The following WWOX variants were observed in gnomAD, a reference collection of about 807,000 sequenced individuals.
WWOX encodes the protein WW domain containing oxidoreductase.
In WWOX, 69 loss-of-function variants were observed where a neutral mutation model predicts 46.2. The observed-to-expected ratio is 1.49, with a 90% confidence interval of 1.23 to 1.82. The LOEUF is 1.82. Among genes scored for constraint, WWOX ranks in the 40% most tolerant of loss-of-function variants. The pLI is 0.00. For synonymous variants in WWOX, 359 were observed against 202.6 expected, an observed-to-expected ratio of 1.77 and a Z score of -6.56; for missense variants, 919 against 542.6, an observed-to-expected ratio of 1.69 and a Z score of -6.89.
chr16:78,766,938 T>C lies in WWOX; in HGVS notation c.1056+334186T>C, dbSNP rs531063414. ...CTTTTAAAAAATAACTGCCCCTTCC[T>C]CACTTCCCCAAGCTTGTGGTCTCTG... is the stretch of plus-strand genomic sequence containing the variant. On this transcript the variant is annotated intron_variant, in intron 8 of 8. Coordinates refer to ENST00000566780, the MANE Select transcript of WWOX (RefSeq NM_016373.4). Among the ~76,000 whole-genome samples, 9 of 152,330 alleles carry C rather than the reference T, an allele frequency of 5.9e-5. No homozygotes were observed. In the South Asian group the frequency reaches 1.9e-3, roughly 32 times the overall value.
chr16:78,541,839 G>T (rs1382336860), intron 8 of WWOX, among the ~76,000 whole-genome samples: 2 of 151,916 alleles, frequency 1.3e-5, no homozygotes, highest in Admixed American at 6.6e-5. Flanking sequence ...ACTGTTTCTG[G>T]TTTTCTGATT....
chr16:78,280,016 A>C (rs537226467), intron 5 of WWOX, among the ~76,000 whole-genome samples: 3 of 152,380 alleles, frequency 2.0e-5, no homozygotes, highest in South Asian at 4.1e-4. Flanking sequence ...TGCAAAAGTC[A>C]TCAAAATCAC....
intron 8 of WWOX, among the ~76,000 whole-genome samples, chr16:78,877,923 G>A (rs2044266549): frequency 6.6e-6 from 1 of 152,180 alleles, no homozygotes; most frequent in Non-Finnish European, 1.5e-5. Context: ...TCCTGGATGA[G>A]AGGGGATTGG....
intron 8 of WWOX, among the ~76,000 whole-genome samples, chr16:78,843,404 A>G (rs4888864): frequency 0.32 from 47,781 of 149,434 alleles, 10,930 homozygotes; most frequent in Middle Eastern, 0.45. Flanking sequence ...AACAAAGCCA[A>G]TCGCCCATTC....
At chr16:78,218,192 C>T (rs757114679) in intron 5 of WWOX, among the ~76,000 whole-genome samples, 1 of 152,092 alleles carries the variant, frequency 6.6e-6, no homozygotes, top group Non-Finnish European at 1.5e-5. Context: ...GTAGCTTGTA[C>T]TGCAGATGTG....
At position 78,811,604 on chromosome 16, in the gene WWOX, C is replaced by T. The variant is rs573304199; in HGVS notation, c.1056+378852C>T. Among the ~76,000 whole-genome samples, 6 of 152,178 alleles carry T rather than the reference C, an allele frequency of 3.9e-5. No individual in the cohort carries two copies. In the South Asian group the frequency reaches 1.2e-3, roughly 32 times the overall value. On this transcript the variant is annotated intron_variant, in intron 8 of 8. Coordinates refer to ENST00000566780, the MANE Select transcript of WWOX (RefSeq NM_016373.4). ...CAGGCTGGTCTCAAGCTCCTGACCT[C>T]AGGTGATCCACCTGCCTCAGTCTCC...
chr16:78,343,570 A>G (rs2081050348), intron 5 of WWOX, among the ~76,000 whole-genome samples: 1 of 121,084 alleles, frequency 8.3e-6, no homozygotes, highest in Admixed American at 8.1e-5. Flanking sequence ...TGGCAAATCT[A>G]GTGCAGGTGC....
At chr16:79,196,693 C>G (rs977779985) in intron 8 of WWOX, among the ~76,000 whole-genome samples, 1 of 152,090 alleles carries the variant, frequency 6.6e-6, no homozygotes, top group Non-Finnish European at 1.5e-5. Context: ...CCCAGGGATT[C>G]AGATCCTGTC....
intron 5 of WWOX, among the ~76,000 whole-genome samples, chr16:78,164,563 A>G (rs757954006): frequency 1.1e-4 from 17 of 152,214 alleles, no homozygotes; most frequent in Non-Finnish European, 2.1e-4. Flanking sequence ...TAAGAAAAAT[A>G]AAACGTGGTG....
chr16:78,744,870 G>C (rs141740735), intron 8 of WWOX, among the ~76,000 whole-genome samples: 1 of 152,186 alleles, frequency 6.6e-6, no homozygotes, highest in African/African-American at 2.4e-5. Flanking sequence ...GGTAAGCAAA[G>C]AAGAGCAACA....
intron 8 of WWOX, among the ~76,000 whole-genome samples, chr16:79,140,090 A>G (rs1022976423): frequency 6.6e-6 from 1 of 152,136 alleles, no homozygotes; most frequent in African/African-American, 2.4e-5. Context: ...CATGGTCTCA[A>G]TGCTGTTGAG....
At chr16:78,844,935 G>C (rs990101376) in intron 8 of WWOX, among the ~76,000 whole-genome samples, 1 of 152,274 alleles carries the variant, frequency 6.6e-6, no homozygotes, top group East Asian at 1.9e-4. Context: ...GGCCCTGAGA[G>C]AACAACAAAG....
intron 8 of WWOX, among the ~76,000 whole-genome samples, chr16:79,115,554 A>G (rs2049499730): frequency 1.3e-5 from 2 of 152,222 alleles, no homozygotes; most frequent in South Asian, 2.1e-4. Flanking sequence ...CAATATCTCT[A>G]AACTCAAAAC....
chr16:78,944,015 G>A (rs140137624), intron 8 of WWOX, among the ~76,000 whole-genome samples: 198 of 152,278 alleles, frequency 1.3e-3, no homozygotes, highest in Non-Finnish European at 2.4e-3. Flanking sequence ...AGGAAAGGAC[G>A]TTTGAAGAAA....
At chr16:78,349,114 C>T (rs1413244454) in intron 5 of WWOX, among the ~76,000 whole-genome samples, 1 of 120,390 alleles carries the variant, frequency 8.3e-6, no homozygotes, top group African/African-American at 2.8e-5. Flanking sequence ...TTGATGTCTT[C>T]TGAGGTCTAC....
chr16:78,431,852 G>A (rs1368908074), intron 7 of WWOX, among the ~76,000 whole-genome samples: 1 of 152,018 alleles, frequency 6.6e-6, no homozygotes, highest in African/African-American at 2.4e-5. Context: ...AAGTAGCTGG[G>A]ACCACAGGCA....
intron 3 of WWOX, 51 bp downstream of exon 3, chr16:78,109,886 AT>A (rs1377458689): frequency 3.8e-6 from 6 of 1,580,322 alleles, no homozygotes; most frequent in Admixed American, 1.7e-5. Flanking sequence ...TTTAATAGGA[AT>A]TTTTAATTAT....
chr16:78,740,108 G>A (rs530791059), intron 8 of WWOX, among the ~76,000 whole-genome samples: 13 of 151,898 alleles, frequency 8.6e-5, no homozygotes, highest in Non-Finnish European at 1.5e-4. Flanking sequence ...CTCTGCATTC[G>A]CCCCATGCCA....
At chr16:78,746,929 T>C (rs766633106) in intron 8 of WWOX, among the ~76,000 whole-genome samples, 5 of 152,034 alleles carry the variant, frequency 3.3e-5, no homozygotes, top group Non-Finnish European at 7.4e-5. Context: ...CCACTCCCCA[T>C]CCCTAGTGGC....
Sources: gnomAD v4.1 joint callset for allele counts (sites outside exome capture counted in the v4.1 genomes callset) on GRCh38, gnomAD v4.1.1 for gene constraint, MANE v1.5 for transcripts, NCBI Gene and HGNC (gene_info 2026-07-23, HGNC 2026-07-21) for gene names.